Variants in XKR9 observed in about 807,000 individuals in gnomAD.
The protein encoded by XKR9 is XK related 9.
XKR9 carries 32 observed loss-of-function variants against 32.0 expected under a neutral mutation model. The observed-to-expected ratio is 1.00, with a 90% CI of 0.76 to 1.34. The LOEUF (loss-of-function observed/expected upper bound fraction) is 1.34. Ranked by LOEUF, XKR9 falls within the 40% of genes most tolerant of loss-of-function variation. The pLI, the probability that XKR9 is intolerant of heterozygous loss-of-function variation, is 0.00. For missense variants in XKR9, 546 were observed against 429.7 expected, an observed-to-expected ratio of 1.27 and a Z score of -2.39; for synonymous variants, 168 against 143.4, an observed-to-expected ratio of 1.17 and a Z score of -1.22.
At chr8:71,042,934 TGA>T in the XKR9 span, among the ~76,000 whole-genome samples, 1 of 152,162 alleles carries the variant, frequency 6.6e-6, no homozygotes, top group Non-Finnish European at 1.5e-5. Flanking sequence ...TAGTAGGCAT[TGA>T]GAGTGCTCCA....
intron 4 of XKR9, among the ~76,000 whole-genome samples, chr8:70,729,621 G>A (rs186968802): frequency 2.6e-5 from 4 of 152,026 alleles, no homozygotes; most frequent in Non-Finnish European, 5.9e-5. Flanking sequence ...GCCTATGGAT[G>A]ACAAAAAAAT....
At chr8:70,888,077 A>C in the XKR9 span, among the ~76,000 whole-genome samples, 606 of 151,858 alleles carry the variant, frequency 4.0e-3, 2 homozygotes, top group Non-Finnish European at 6.8e-3. Flanking sequence ...AACATTCAAA[A>C]TTCATTCTTC....
In XKR9 at chr8:70,735,123, T is replaced by G. The variant is rs1326815316; in HGVS notation, c.*699T>G. ...TTTAAAAAATTATGGTAAAAACATA[T>G]AAAATTTACCATCTTAATCACTTTG... On this transcript the variant is annotated 3_prime_UTR_variant, in exon 5 of 5. Transcript: ENST00000408926. The G allele has an allele frequency of 6.6e-6, 1 of 152,074 alleles. No individual in the cohort carries two copies. Among genetic ancestry groups the G allele is most frequent in the Non-Finnish European group, 1.5e-5 (1 of 68,006 alleles). 9.4% of individuals were successfully genotyped at this position (152,074 alleles called of 1,614,324 possible). A position where few individuals can be genotyped will look rare whatever the true frequency, so the allele number is the denominator to read the frequency against.
chr8:70,717,197 A>T (rs948263064), intron 4 of XKR9, among the ~76,000 whole-genome samples: 1 of 152,176 alleles, frequency 6.6e-6, no homozygotes, highest in Non-Finnish European at 1.5e-5. Flanking sequence ...TGCACTGTGC[A>T]AGCTGTTAGT....
chr8:70,818,239 G>A, the XKR9 span, among the ~76,000 whole-genome samples: 48,320 of 150,344 alleles, frequency 0.32, 9,069 homozygotes, highest in Non-Finnish European at 0.43. Context: ...CTCTTTTATC[G>A]TTCTTCAAGT....
chr8:70,864,348 T>C, the XKR9 span, among the ~76,000 whole-genome samples: 4 of 152,182 alleles, frequency 2.6e-5, no homozygotes, highest in Non-Finnish European at 5.9e-5. Context: ...TTTCACCCTG[T>C]CTTTCCCACC....
intron 1 of XKR9, among the ~76,000 whole-genome samples, chr8:70,672,733 T>C (rs892592721): frequency 1.3e-5 from 2 of 152,204 alleles, no homozygotes; most frequent in Non-Finnish European, 2.9e-5. Flanking sequence ...GCATCTGTTA[T>C]TGTCTTTTTA....
chr8:71,059,958 A>AT, the XKR9 span, among the ~76,000 whole-genome samples: 3 of 151,832 alleles, frequency 2.0e-5, no homozygotes, highest in Non-Finnish European at 2.9e-5. Flanking sequence ...GGCTCATCCC[A>AT]TTTTTTTTGA....
the XKR9 span, among the ~76,000 whole-genome samples, chr8:70,964,737 T>C: frequency 6.6e-6 from 1 of 152,136 alleles, no homozygotes; most frequent in Non-Finnish European, 1.5e-5. Flanking sequence ...CATTCATGAT[T>C]TGGCTCTCTG....
intron 2 of XKR9, chr8:70,781,139 T>C (rs1293746101): frequency 6.6e-6 from 1 of 152,202 alleles, no homozygotes; most frequent in Non-Finnish European, 1.5e-5. Flanking sequence ...CTTGCAGTTT[T>C]GATTTGCATT....
At chr8:70,681,926 A>G (rs527977012) in intron 3 of XKR9, among the ~76,000 whole-genome samples, 37 of 152,254 alleles carry the variant, frequency 2.4e-4, no homozygotes, top group African/African-American at 8.9e-4. Flanking sequence ...GTCCTGTTAA[A>G]AAGCAATTCA....
At chr8:70,745,992 T>A (rs1485547958) in intron 2 of XKR9, among the ~76,000 whole-genome samples, 1 of 152,208 alleles carries the variant, frequency 6.6e-6, no homozygotes, top group Admixed American at 6.5e-5. Context: ...GGGGTTAACA[T>A]GAACCATTTG....
chr8:70,828,761 A>G, the XKR9 span, among the ~76,000 whole-genome samples: 4 of 151,620 alleles, frequency 2.6e-5, no homozygotes, highest in African/African-American at 9.7e-5. Flanking sequence ...GACTGGTGGG[A>G]AGAAAAGAGT....
intron 3 of XKR9, among the ~76,000 whole-genome samples, chr8:70,701,120 C>T (rs1236805633): frequency 6.6e-6 from 1 of 152,178 alleles, no homozygotes; most frequent in Non-Finnish European, 1.5e-5. Context: ...AAGGGAACTC[C>T]CTGACCCCTT....
intron 2 of XKR9, among the ~76,000 whole-genome samples, chr8:70,775,746 C>T (rs1244112923): frequency 1.6e-5 from 2 of 124,058 alleles, no homozygotes; most frequent in South Asian, 2.3e-4. Flanking sequence ...GAATATTGGT[C>T]ATTTTTTTTT....
At chr8:70,904,503 C>A in the XKR9 span, among the ~76,000 whole-genome samples, 2 of 152,042 alleles carry the variant, frequency 1.3e-5, no homozygotes, top group South Asian at 2.1e-4. Context: ...TTATTTTGAG[C>A]CTATTTGTAT....
the XKR9 span, among the ~76,000 whole-genome samples, chr8:70,830,691 G>A: frequency 6.6e-6 from 1 of 152,152 alleles, no homozygotes; most frequent in African/African-American, 2.4e-5. Flanking sequence ...GGTCCCCAGT[G>A]TCTACGGATA....
chr8:70,848,213 AT>A, the XKR9 span, among the ~76,000 whole-genome samples: 2 of 152,126 alleles, frequency 1.3e-5, no homozygotes, highest in South Asian at 4.1e-4. Flanking sequence ...CCAAGAAGAA[AT>A]TATATGATTA....
At chr8:70,850,539 T>C in the XKR9 span, among the ~76,000 whole-genome samples, 5 of 147,838 alleles carry the variant, frequency 3.4e-5, no homozygotes, top group Non-Finnish European at 7.5e-5. Flanking sequence ...AAATCCTCAA[T>C]GAAAAACTGG....
Sources: gnomAD v4.1 joint callset for allele counts (sites outside exome capture counted in the v4.1 genomes callset) on GRCh38, gnomAD v4.1.1 for gene constraint, MANE v1.5 for transcripts, NCBI Gene and HGNC (gene_info 2026-07-23, HGNC 2026-07-21) for gene names.